ALDH8A1: variants seen among roughly 807,000 people sequenced by gnomAD.
ALDH8A1 encodes 2-aminomuconic semialdehyde dehydrogenase.
In ALDH8A1, 39 loss-of-function variants were observed where a neutral mutation model predicts 43.3. The observed-to-expected ratio is 0.90, with a 90% CI of 0.70 to 1.18. ALDH8A1 has a LOEUF of 1.18. Ranked by LOEUF, ALDH8A1 falls within the 50% of genes most tolerant of loss-of-function variation. The probability of loss-of-function intolerance (pLI) is 0.00; values close to 1 mark genes in which losing one functional copy is unlikely to be tolerated. For synonymous variants in ALDH8A1, 233 were observed against 243.5 expected (o/e 0.96, Z 0.40); for missense variants, 605 against 622.6 (o/e 0.97, Z 0.30).
intron 1 of ALDH8A1, among the ~76,000 whole-genome samples, chr6:134,949,584 AG>A (rs1224758172): frequency 6.6e-6 from 1 of 152,082 alleles, no homozygotes; most frequent in African/African-American, 2.4e-5. Flanking sequence ...GGTGGAGAAA[AG>A]GGAATATTTA....
At chr6:134,949,781 G>T in intron 1 of ALDH8A1, 135 bp downstream of exon 1, 1 of 1,016,452 alleles carries the variant, frequency 9.8e-7, no homozygotes, top group East Asian at 2.7e-5. Context: ...CATCTTCTGA[G>T]AACTAGAATC....
chr6:134,925,985 G>A (rs898067811), intron 6 of ALDH8A1, among the ~76,000 whole-genome samples: 4 of 151,944 alleles, frequency 2.6e-5, no homozygotes, highest in African/African-American at 9.7e-5. Context: ...ATGCAGGAGT[G>A]GAATGAGGAA....
chr6:134,940,649 T>C (rs1437143199), intron 3 of ALDH8A1, among the ~76,000 whole-genome samples: 1 of 152,168 alleles, frequency 6.6e-6, no homozygotes, highest in Non-Finnish European at 1.5e-5. Flanking sequence ...CTAGAATGTG[T>C]CTCCATGCAA....
At chr6:134,942,973 G>A (rs1773883978) in intron 2 of ALDH8A1, among the ~76,000 whole-genome samples, 1 of 152,198 alleles carries the variant, frequency 6.6e-6, no homozygotes, top group South Asian at 2.1e-4. Flanking sequence ...TTATACACAT[G>A]TAATGTGTAT....
chr6:134,948,487 C>T (rs1773991208), intron 1 of ALDH8A1, among the ~76,000 whole-genome samples: 1 of 151,972 alleles, frequency 6.6e-6, no homozygotes. Context: ...GTCACATATG[C>T]CCATAAAGAT....
intron 6 of ALDH8A1, among the ~76,000 whole-genome samples, chr6:134,920,917 C>T (rs1251746550): frequency 6.6e-6 from 1 of 152,106 alleles, no homozygotes; most frequent in African/African-American, 2.4e-5. Context: ...CCCAGTTCAC[C>T]CATTTACTAG....
intron 4 of ALDH8A1, among the ~76,000 whole-genome samples, chr6:134,938,193 A>G (rs1009228010): frequency 2.6e-5 from 4 of 152,220 alleles, no homozygotes; most frequent in Admixed American, 2.6e-4. Flanking sequence ...AAAGACAGTG[A>G]GTCTGTCTCC....
At position 134,939,297 on chromosome 6, in the gene ALDH8A1, C is replaced by A. The variant is rs569177400; in HGVS notation, c.561G>T (p.Ala187=). 4 of 1,614,216 alleles carry A rather than the reference C, an allele frequency of 2.5e-6. No individual in the cohort carries two copies. The highest frequency in any genetic ancestry group is 2.2e-5 in the East Asian group (1 of 44,888). ...AKPSELTSVT[A]WMLCKLLDKA... is the part of the protein sequence containing the mutation. ...TATCCAGGAGTTTGCACAACATCCA[C>A]GCAGTCACTGAAGTCAGCTCACTGG... Residue 187 remains alanine (A), a synonymous_variant, in exon 4 of 7, where the codon GCG becomes GCT. Transcript: ENST00000265605.
chr6:134,946,762 A>ACACAGGTGCGCATGTGTGCGCGCGTG (rs368919120), intron 1 of ALDH8A1, among the ~76,000 whole-genome samples: 7 of 77,674 alleles, frequency 9.0e-5, no homozygotes, highest in African/African-American at 1.6e-4. Context: ...TGTGCTATGC[A>ACACAGGTGCGCATGTGTGCGCGCGTG]CACAGGTGCG....
intron 6 of ALDH8A1, among the ~76,000 whole-genome samples, chr6:134,925,019 C>A (rs1351479620): frequency 6.6e-6 from 1 of 152,062 alleles, no homozygotes; most frequent in Non-Finnish European, 1.5e-5. Context: ...TATGAACCTG[C>A]AGAAATTTTT....
chr6:134,918,747 T>G lies in ALDH8A1; in HGVS notation c.1132A>C (p.Ile378Leu), dbSNP rs373644944. 1.2e-6 allele frequency: 2 copies of G among 1,614,226 alleles called. No homozygotes were observed. Among genetic ancestry groups the G allele is most frequent in the Non-Finnish European group, 1.7e-6 (2 of 1,180,036 alleles). ...CAGGATTCATCCTTAATGTCTGTTATCACCGTGGGAAGCATAAAGTAGCCT... is the reference window on the plus strand; with the variant it reads ...CAGGATTCATCCTTAATGTCTGTTAGCACCGTGGGAAGCATAAAGTAGCCT... ...QAGYFMLPTV[I>L]TDIKDESCCM... is the part of the protein sequence containing the mutation. The change falls in exon 7 of 7, where the codon ATA becomes CTA. Residue 378 changes from isoleucine to leucine, a missense_variant. Ile to Leu is a conservative substitution (Grantham distance 5, BLOSUM62 2). Coordinates refer to ENST00000265605, the MANE Select transcript of ALDH8A1 (RefSeq NM_022568.4).
At position 134,942,584 on chromosome 6, in the gene ALDH8A1, TAA is replaced by T; in HGVS notation, c.287-22_287-21del. 6.2e-7 allele frequency: 1 copy of T among 1,606,310 alleles called. No homozygotes were observed. Among genetic ancestry groups the T allele is most frequent in the East Asian group, 2.2e-5 (1 of 44,668 alleles). ...TTTTCCCTGTAAGAAGCAAACAACA[TAA>T]AGCACTATCAGCTAATGGGGACACT... On this transcript the variant is annotated intron_variant, in intron 2 of 6. Transcript: ENST00000265605.
chr6:134,947,076 T>G (rs1191917129), intron 1 of ALDH8A1, among the ~76,000 whole-genome samples: 4 of 152,326 alleles, frequency 2.6e-5, no homozygotes, highest in African/African-American at 9.6e-5. Context: ...AATAAATCCA[T>G]GCATTTACAG....
chr6:134,933,000 C>G lies in ALDH8A1; in HGVS notation c.625G>C (p.Gly209Arg). ...VPPGVVNIVF[G>R]TGPRVGEALV... ...GCCTCACCCACCCTGGGCCCGGTTC[C>G]AAACACAATATTGACCACACCTGGT... Residue 209 changes from glycine to arginine, a missense_variant, in exon 5 of 7, where the codon GGA (glycine) becomes CGA (arginine). Gly to Arg is a moderately radical substitution (Grantham distance 125). Coordinates refer to ENST00000265605, the MANE Select transcript of ALDH8A1 (RefSeq NM_022568.4). The G allele has an allele frequency of 6.2e-7, 1 of 1,603,332 alleles. No homozygotes were observed. The highest frequency in any genetic ancestry group is 8.5e-7 in the Non-Finnish European group (1 of 1,175,306).
chr6:134,947,244 T>C (rs897285558), intron 1 of ALDH8A1, among the ~76,000 whole-genome samples: 2 of 152,246 alleles, frequency 1.3e-5, no homozygotes, highest in East Asian at 1.9e-4. Context: ...AAGACTTAGA[T>C]AGATGTAAGA....
At chr6:134,921,015 G>A (rs963649738) in intron 6 of ALDH8A1, among the ~76,000 whole-genome samples, 1 of 152,098 alleles carries the variant, frequency 6.6e-6, no homozygotes, top group African/African-American at 2.4e-5. Flanking sequence ...CTCTTGAGAG[G>A]ATTAAATAAA....
rs563573188 is a variant in ALDH8A1 at position 134,918,427 on chromosome 6, G to A, written c.1452C>T (p.Thr484=). 41 of 1,614,092 alleles carry A rather than the reference G, an allele frequency of 2.5e-5. No individual in the cohort carries two copies. In the East Asian group the frequency reaches 5.1e-4, roughly 20 times the overall value. ...CCATTAGCAAAGATCAGTGTTTAAC[G>A]GTGATGGTTTTGATCTCAGTGAAGA... ...YDFFTEIKTI[T]VKH is the part of the protein sequence containing the mutation. Residue 484 remains threonine (T), a synonymous_variant, in exon 7 of 7, where the codon ACC becomes ACT. Coordinates refer to ENST00000265605, the MANE Select transcript of ALDH8A1 (RefSeq NM_022568.4).
Position 134,918,348 on chromosome 6 carries a change from C to T in ALDH8A1, c.*67G>A. On this transcript the variant is annotated 3_prime_UTR_variant, in exon 7 of 7. Transcript: ENST00000265605. ...CTGGAATTCATGCCATGATTTTCAT[C>T]TACCACATTGAACAACTGATGCCTG... is the stretch of plus-strand genomic sequence containing the variant. 6.8e-7 allele frequency: 1 copy of T among 1,467,108 alleles called. No individual in the cohort carries two copies. The highest frequency in any genetic ancestry group is 2.3e-5 in the East Asian group (1 of 43,766). The allele number at this position is 1,467,108 out of a possible 1,614,324, so 90.9% of individuals were successfully genotyped here. A position where few individuals can be genotyped will look rare whatever the true frequency, so the allele number is the denominator to read the frequency against.
chr6:134,934,183 T>TGCAGCCTCGCTTTG (rs1773686909), intron 4 of ALDH8A1, among the ~76,000 whole-genome samples: 1 of 152,208 alleles, frequency 6.6e-6, no homozygotes. Flanking sequence ...GTTGACTGAA[T>TGCAGCCTCGCTTTG]GCAGCCTCTC....
Sources: allele counts gnomAD v4.1 joint callset (sites outside exome capture counted in the v4.1 genomes callset), GRCh38; gene constraint gnomAD v4.1.1; transcripts MANE v1.5; gene names NCBI Gene and HGNC (gene_info 2026-07-23, HGNC 2026-07-21).